The following TFDP1 variants were observed in gnomAD, a reference collection of about 807,000 sequenced individuals.
TFDP1 encodes transcription factor Dp-1, also known as DRTF1-polypeptide 1.
A neutral mutation model predicts 48.0 loss-of-function variants in TFDP1; 6 were observed. That is an observed-to-expected ratio of 0.13 (90% CI 0.07 to 0.25). The LOEUF is 0.25. Among genes scored for constraint, TFDP1 ranks in the 10% least tolerant of loss-of-function variants. The probability of loss-of-function intolerance (pLI) is 1.00; values close to 1 mark genes in which losing one functional copy is unlikely to be tolerated. For synonymous variants in TFDP1, 201 were observed against 211.6 expected, an observed-to-expected ratio of 0.95 and a Z score of 0.44; for missense variants, 335 against 543.0, an observed-to-expected ratio of 0.62 and a Z score of 3.81.
intron 2 of TFDP1, among the ~76,000 whole-genome samples, chr13:113,591,564 G>A (rs577832390): frequency 6.6e-6 from 1 of 152,328 alleles, no homozygotes. Flanking sequence ...ATTTGCAGTA[G>A]AAGTATCAGG....
rs911606155 is a variant in TFDP1 at position 113,613,103 on chromosome 13, G to A, written c.79+2041G>A. 6.6e-5 allele frequency among the ~76,000 whole-genome samples: 10 copies of A among 152,218 alleles called. No homozygotes were observed. In the East Asian group the frequency reaches 1.5e-3, roughly 23 times the overall value. Reference sequence around the variant, plus strand: ...GCCGTCTCGGCTCACTGCAACCTCTGCCTCCCGGATTCAAGCGATTCTCCT... The same window carrying A: ...GCCGTCTCGGCTCACTGCAACCTCTACCTCCCGGATTCAAGCGATTCTCCT... On this transcript the variant is annotated intron_variant, in intron 3 of 11. Coordinates refer to ENST00000375370, the MANE Select transcript of TFDP1 (RefSeq NM_007111.5).
chr13:113,611,210 C>T (rs1261359962), intron 3 of TFDP1, 148 bp downstream of exon 3: 1 of 686,246 alleles, frequency 1.5e-6, no homozygotes, highest in Non-Finnish European at 2.5e-6. Context: ...GGAGGGTGGG[C>T]GTAGGAGCCT....
chr13:113,609,707 G>A (rs1041084192), intron 2 of TFDP1, among the ~76,000 whole-genome samples: 4 of 152,114 alleles, frequency 2.6e-5, no homozygotes, highest in Admixed American at 6.5e-5. Context: ...GCACCAGGGG[G>A]TTGTGGCGTC....
intron 7 of TFDP1, 97 bp from the exon 8 acceptor site, chr13:113,634,437 C>G (rs2049419033): frequency 1.0e-6 from 1 of 988,764 alleles, no homozygotes; most frequent in Non-Finnish European, 1.6e-6. Flanking sequence ...TCTGGGTAAA[C>G]ATAGGTAACA....
intron 2 of TFDP1, among the ~76,000 whole-genome samples, chr13:113,596,173 T>C (rs1268125793): frequency 6.6e-6 from 1 of 152,238 alleles, no homozygotes; most frequent in Non-Finnish European, 1.5e-5. Flanking sequence ...AATCAAGGCT[T>C]GAATGAAAAT....
intron 11 of TFDP1, among the ~76,000 whole-genome samples, chr13:113,639,531 C>A (rs573301090): frequency 6.6e-6 from 1 of 152,336 alleles, no homozygotes; most frequent in South Asian, 2.1e-4. Flanking sequence ...CACATTAACA[C>A]ATTTTTATTG....
chr13:113,619,482 A>C (rs1268117874), intron 3 of TFDP1, among the ~76,000 whole-genome samples: 6 of 130,846 alleles, frequency 4.6e-5, no homozygotes, highest in African/African-American at 1.3e-4. Context: ...AAAAAAAAAC[A>C]AAAAAAAAAA....
chr13:113,625,066 TCTCACGTGTC>T (rs201418184), intron 4 of TFDP1, among the ~76,000 whole-genome samples: 3 of 136,332 alleles, frequency 2.2e-5, no homozygotes, highest in Non-Finnish European at 3.1e-5. Context: ...CTCAGGTGTC[TCTCACGTGTC>T]CTCAGGTGTC....
chr13:113,616,507 G>C (rs1314386014), intron 3 of TFDP1, among the ~76,000 whole-genome samples: 1 of 152,180 alleles, frequency 6.6e-6, no homozygotes, highest in Non-Finnish European at 1.5e-5. Context: ...CTCGTTTGCT[G>C]CTCATCTGGG....
Position 113,607,088 on chromosome 13 carries a change from G to A in TFDP1, c.13-3908G>A, listed in dbSNP as rs1224356527. ...GGGTGGCTTTGCAGTGTCCGGAGATGATTCTGGTTGTCCCACCCAGGGTGA... is the reference window on the plus strand; with the variant it reads ...GGGTGGCTTTGCAGTGTCCGGAGATAATTCTGGTTGTCCCACCCAGGGTGA... On this transcript the variant is annotated intron_variant, in intron 2 of 11. Coordinates refer to ENST00000375370, the MANE Select transcript of TFDP1 (RefSeq NM_007111.5). This position sits in a 1 kb window ranked among gnomAD's most constrained non-coding sequence, Gnocchi z 5.2. 6.6e-6 allele frequency among the ~76,000 whole-genome samples: 1 copy of A among 152,246 alleles called. No individual in the cohort carries two copies. The highest frequency in any genetic ancestry group is 1.5e-5 in the Non-Finnish European group (1 of 68,044).
Position 113,623,235 on chromosome 13 carries a change from G to A in TFDP1, c.135G>A (p.Gln45=). ...HPSTVNPLGK[Q]LLPKTFGQSN... The stretch of plus-strand genomic sequence containing the variant: ...CCACCGTCAACCCGCTCGGGAAGCA[G>A]CTCTTGCCAAAAACCTTTGGACAGT... The change falls in exon 4 of 12, where the codon CAG becomes CAA. Residue 45 remains glutamine, a synonymous_variant. Transcript: ENST00000375370. The surrounding 1 kb of genome is among the most constrained non-coding windows in gnomAD (Gnocchi z 5.2). The A allele has an allele frequency of 1.2e-6, 2 of 1,613,654 alleles. No homozygotes were observed. Among genetic ancestry groups the A allele is most frequent in the Non-Finnish European group, 1.7e-6 (2 of 1,179,802 alleles).
rs183235903 is a variant in TFDP1 at position 113,619,490 on chromosome 13, A to G, written c.80-3690A>G. Among the ~76,000 whole-genome samples the G allele has an allele frequency of 0.01, 1,577 of 150,528 alleles. 39 individuals carry two copies. The East Asian group carries it at 0.11, about 10-fold the overall frequency. On this transcript the variant is annotated intron_variant, in intron 3 of 11. Coordinates refer to ENST00000375370, the MANE Select transcript of TFDP1 (RefSeq NM_007111.5). ...CATCTCAAAAAAAAAACAAAAAAAA[A>G]AAAAAAAAAAGAAGAAGCCCACCCA... is the stretch of plus-strand genomic sequence containing the variant.
chr13:113,634,131 A>G (rs2049409775), intron 7 of TFDP1, 98 bp downstream of exon 7: 3 of 1,538,444 alleles, frequency 2.0e-6, no homozygotes, highest in Middle Eastern at 1.7e-4. Flanking sequence ...CCGTGCCCTT[A>G]TGCTCTCTGT....
Position 113,585,703 on chromosome 13 carries a change from A to G in TFDP1, c.-64-71A>G. Reference sequence around the variant, plus strand: ...GTCCGCGTTTCCTTTGAGATGTGTTATTTTTTAAACTTCGTTTTTCATTCT... The same window carrying G: ...GTCCGCGTTTCCTTTGAGATGTGTTGTTTTTTAAACTTCGTTTTTCATTCT... On this transcript the variant is annotated intron_variant, in intron 1 of 11. Transcript: ENST00000375370. 5.2e-6 allele frequency: 5 copies of G among 966,594 alleles called. 1 individual carries two copies. In the South Asian group the frequency reaches 8.1e-5, roughly 16 times the overall value. 59.9% of individuals were successfully genotyped at this position (966,594 alleles called of 1,614,324 possible).
At chr13:113,619,497 A>G (rs2048945080) in intron 3 of TFDP1, among the ~76,000 whole-genome samples, 1 of 151,458 alleles carries the variant, frequency 6.6e-6, no homozygotes, top group Admixed American at 6.6e-5. Flanking sequence ...AAAAAAAAAA[A>G]AAAGAAGAAG....
intron 3 of TFDP1, among the ~76,000 whole-genome samples, chr13:113,613,341 G>GA (rs944852824): frequency 2.0e-5 from 3 of 152,312 alleles, no homozygotes; most frequent in Middle Eastern, 3.4e-3. Context: ...ATTTGCTTTT[G>GA]AATCAGTGAC....
At chr13:113,596,859 G>A (rs992887589) in intron 2 of TFDP1, among the ~76,000 whole-genome samples, 3 of 152,208 alleles carry the variant, frequency 2.0e-5, no homozygotes, top group East Asian at 1.9e-4. Flanking sequence ...GCCCTGCTTC[G>A]TGTTTTTGGG....
intron 2 of TFDP1, among the ~76,000 whole-genome samples, chr13:113,595,099 G>C (rs544324677): frequency 6.6e-5 from 10 of 152,212 alleles, no homozygotes; most frequent in African/African-American, 2.4e-4. Flanking sequence ...TTCAGCAGCT[G>C]TATGTTTTTG....
chr13:113,610,105 T>G (rs1361465306), intron 2 of TFDP1, among the ~76,000 whole-genome samples: 2 of 152,224 alleles, frequency 1.3e-5, no homozygotes, highest in Admixed American at 1.3e-4. Context: ...GGCTGTACCA[T>G]TACGCGTGTG....
Sources: gnomAD v4.1 joint callset for allele counts (sites outside exome capture counted in the v4.1 genomes callset) on GRCh38, gnomAD v4.1.1 for gene constraint, Gnocchi (gnomAD v3.1) non-coding constraint, MANE v1.5 for transcripts, NCBI Gene and HGNC (gene_info 2026-07-23, HGNC 2026-07-21) for gene names.